Variants in FAM13A observed in about 807,000 individuals in gnomAD.
FAM13A encodes protein FAM13A.
Under a neutral mutation model 129.6 loss-of-function variants are expected in FAM13A, and 76 were observed. The observed-to-expected ratio is 0.59, with a 90% CI of 0.49 to 0.71. The LOEUF is 0.71. Among genes scored for constraint, FAM13A ranks in the 30% least tolerant of loss-of-function variants. FAM13A has a pLI of 0.00. For synonymous variants in FAM13A, 443 were observed against 449.9 expected (o/e 0.98, Z 0.20); for missense variants, 1,108 against 1,249.3 (o/e 0.89, Z 1.70).
At chr4:88,796,013 T>C (rs1483521399) in intron 8 of FAM13A, among the ~76,000 whole-genome samples, 1 of 151,774 alleles carries the variant, frequency 6.6e-6, no homozygotes, top group Admixed American at 6.6e-5. Flanking sequence ...CGAATTCAAG[T>C]ATCAGTTCTG....
chr4:88,890,403 T>G (rs1452992711), intron 6 of FAM13A, among the ~76,000 whole-genome samples: 2 of 152,184 alleles, frequency 1.3e-5, no homozygotes, highest in Non-Finnish European at 2.9e-5. Flanking sequence ...GCAGTACTGA[T>G]CTAGAGACTC....
At chr4:89,027,008 A>G (rs917487226) in intron 2 of FAM13A, among the ~76,000 whole-genome samples, 2 of 152,226 alleles carry the variant, frequency 1.3e-5, no homozygotes, top group East Asian at 3.9e-4. Flanking sequence ...AATCCTGGAA[A>G]GATATGGCCT....
Position 89,029,637 on chromosome 4 carries a change from C to T in FAM13A, c.40G>A (p.Ala14Thr), listed in dbSNP as rs1229886880. ...GALAICQSKA[A>T]VRLKEDMKKI... ...TTCATGTCTTCTTTCAGCCGAACCG[C>T]TGCTTTACTTTGCTTAAAGGAGCGT... Residue 14 changes from alanine (A) to threonine (T), a missense_variant, in exon 2 of 24, where the codon GCG (alanine) becomes ACG (threonine). Around this residue, in one of 3 missense-constraint regions of FAM13A, gnomAD observed 566 missense variants for 595.7 expected, o/e 0.95. Transcript: ENST00000264344. 6.3e-7 allele frequency: 1 copy of T among 1,576,952 alleles called. No homozygotes were observed. Among genetic ancestry groups the T allele is most frequent in the South Asian group, 1.2e-5 (1 of 84,254 alleles).
intron 2 of FAM13A, 69 bp from the exon 3 acceptor site, chr4:89,020,738 C>T (rs116144428): frequency 0.018 from 17,999 of 994,950 alleles, 235 homozygotes; most frequent in Admixed American, 0.029. Context: ...AGAATGATAA[C>T]AACACAAAGA....
At chr4:89,015,498 G>A (rs1766361763) in intron 3 of FAM13A, among the ~76,000 whole-genome samples, 1 of 152,136 alleles carries the variant, frequency 6.6e-6, no homozygotes, top group Non-Finnish European at 1.5e-5. Flanking sequence ...TGACACTTAG[G>A]AAAAATAGAA....
intron 6 of FAM13A, among the ~76,000 whole-genome samples, chr4:88,880,764 C>A (rs886214831): frequency 2.4e-4 from 1 of 4,106 alleles, no homozygotes; most frequent in Non-Finnish European, 4.8e-4. Context: ...AGAGCTGTTG[C>A]GGGTGGTGCG....
intron 6 of FAM13A, among the ~76,000 whole-genome samples, chr4:88,859,539 G>A (rs1739128856): frequency 6.6e-6 from 1 of 152,194 alleles, no homozygotes; most frequent in African/African-American, 2.4e-5. Flanking sequence ...TCCTCTGAGT[G>A]TGAAGCGGTG....
chr4:89,039,437 G>A (rs929230417), intron 1 of FAM13A, among the ~76,000 whole-genome samples: 1 of 152,148 alleles, frequency 6.6e-6, no homozygotes. Flanking sequence ...TAATAATAAT[G>A]TATCAATATT....
At chr4:88,932,866 G>A (rs572565831) in intron 5 of FAM13A, among the ~76,000 whole-genome samples, 2 of 152,196 alleles carry the variant, frequency 1.3e-5, no homozygotes, top group South Asian at 2.1e-4. Context: ...GTTAGTAACT[G>A]TTTTGAGAGT....
intron 5 of FAM13A, among the ~76,000 whole-genome samples, chr4:88,919,848 T>C (rs1750724770): frequency 6.6e-6 from 1 of 152,232 alleles, no homozygotes; most frequent in African/African-American, 2.4e-5. Context: ...CCCACCCTAA[T>C]ACTGCGCTTT....
chr4:88,840,772 A>T (rs1178677870), intron 7 of FAM13A, among the ~76,000 whole-genome samples: 1 of 152,142 alleles, frequency 6.6e-6, no homozygotes, highest in African/African-American at 2.4e-5. Context: ...ATTGAAAGTT[A>T]ATGTTCTCAG....
At chr4:88,775,479 G>A (rs1385175520) in intron 11 of FAM13A, among the ~76,000 whole-genome samples, 1 of 152,130 alleles carries the variant, frequency 6.6e-6, no homozygotes, top group Admixed American at 6.5e-5. Context: ...TGAGGTGGGA[G>A]GATCATTTGA....
chr4:88,795,089 C>A (rs572206997), intron 8 of FAM13A, among the ~76,000 whole-genome samples: 2 of 151,678 alleles, frequency 1.3e-5, no homozygotes, highest in African/African-American at 4.8e-5. Context: ...TTTAGTGGAA[C>A]ATTTGTTGGT....
intron 10 of FAM13A, among the ~76,000 whole-genome samples, chr4:88,784,456 C>T (rs1317645757): frequency 6.6e-6 from 1 of 152,150 alleles, no homozygotes; most frequent in Non-Finnish European, 1.5e-5. Context: ...TCACATTTGA[C>T]ATAACTTGGA....
intron 4 of FAM13A, among the ~76,000 whole-genome samples, chr4:88,957,958 C>T (rs1291931135): frequency 6.6e-6 from 1 of 151,908 alleles, no homozygotes; most frequent in Non-Finnish European, 1.5e-5. Flanking sequence ...TTATTTCTAA[C>T]AACCTATGCT....
chr4:88,945,836 A>G (rs1560480178), intron 4 of FAM13A, among the ~76,000 whole-genome samples: 3 of 138,788 alleles, frequency 2.2e-5, no homozygotes, highest in Admixed American at 7.3e-5. Flanking sequence ...TACATATTCT[A>G]TGTGTGTGTG....
At chr4:88,973,217 CATT>C (rs1375506137) in intron 4 of FAM13A, among the ~76,000 whole-genome samples, 2 of 149,476 alleles carry the variant, frequency 1.3e-5, no homozygotes, top group African/African-American at 2.5e-5. Context: ...AATTCTCAGT[CATT>C]ATTGTTTCAA....
intron 3 of FAM13A, among the ~76,000 whole-genome samples, chr4:88,998,396 A>G (rs1185100423): frequency 6.6e-6 from 1 of 152,190 alleles, no homozygotes; most frequent in Admixed American, 6.5e-5. Flanking sequence ...AGGACCTCAT[A>G]ACATACAATT....
In FAM13A at chr4:88,726,439, AATTTACCTTTGGCAGAAACAAC is replaced by A. The variant is rs1736492197; in HGVS notation, c.*2072_*2093del. On this transcript the variant is annotated 3_prime_UTR_variant, in exon 24 of 24. Transcript: ENST00000264344. Reference sequence around the variant, plus strand: ...GGGATTCCTGAATAAATCTTTAGTTAATTTACCTTTGGCAGAAACAACAGATTCCAAAACAATTAGTAGCATC... The same window carrying A: ...GGGATTCCTGAATAAATCTTTAGTTAAGATTCCAAAACAATTAGTAGCATC... 6.6e-6 allele frequency: 1 copy of A among 152,614 alleles called. No individual in the cohort carries two copies. Among genetic ancestry groups the A allele is most frequent in the African/African-American group, 2.4e-5 (1 of 41,454 alleles). The allele number at this position is 152,614 out of a possible 1,614,324, so 9.5% of individuals were successfully genotyped here.
Sources: allele counts gnomAD v4.1 joint callset (sites outside exome capture counted in the v4.1 genomes callset), GRCh38; gene constraint gnomAD v4.1.1; regional missense constraint gnomAD v4.1.1; transcripts MANE v1.5; gene names NCBI Gene and HGNC (gene_info 2026-07-23, HGNC 2026-07-21).